The following NDC1 variants were observed in gnomAD, a reference collection of about 807,000 sequenced individuals.
NDC1 encodes NDC1 transmembrane nucleoporin.
In NDC1, 24 loss-of-function variants were observed where a neutral mutation model predicts 89.8. The ratio of observed to expected loss-of-function variants is 0.27; its 90% CI spans 0.19 to 0.38. The LOEUF (loss-of-function observed/expected upper bound fraction) is 0.38. Among genes scored for constraint, NDC1 ranks in the 10% least tolerant of loss-of-function variants. NDC1 has a pLI of 1.00. For missense variants in NDC1, 728 were observed against 797.6 expected (o/e 0.91, Z 1.05); for synonymous variants, 296 against 284.8 (o/e 1.04, Z -0.39).
intron 16 of NDC1, among the ~76,000 whole-genome samples, chr1:53,783,742 T>C (rs1164008970): frequency 6.6e-6 from 1 of 152,198 alleles, no homozygotes; most frequent in Non-Finnish European, 1.5e-5. Context: ...TTGCTCTCTC[T>C]TGTTCAGGTG....
chr1:53,783,499 G>A (rs751854749), intron 16 of NDC1, among the ~76,000 whole-genome samples: 2 of 151,950 alleles, frequency 1.3e-5, no homozygotes, highest in Non-Finnish European at 2.9e-5. Flanking sequence ...TCTTTGCCTC[G>A]TTCTACTCTG....
chr1:53,821,598 G>A (rs568611730), intron 5 of NDC1, among the ~76,000 whole-genome samples: 1 of 152,238 alleles, frequency 6.6e-6, no homozygotes, highest in South Asian at 2.1e-4. Flanking sequence ...CCACACACCT[G>A]CCCCAATAAA....
At chr1:53,770,366 G>A (rs891914255) in intron 17 of NDC1, among the ~76,000 whole-genome samples, 9 of 151,996 alleles carry the variant, frequency 5.9e-5, no homozygotes, top group African/African-American at 2.2e-4. Flanking sequence ...GAGTGCAGTG[G>A]TGCAGTATCG....
intron 13 of NDC1, among the ~76,000 whole-genome samples, chr1:53,795,672 A>T (rs1236606169): frequency 6.6e-6 from 1 of 152,098 alleles, no homozygotes; most frequent in Non-Finnish European, 1.5e-5. Flanking sequence ...CCTTGACCAC[A>T]TCTTACAGCC....
chr1:53,789,014 A>G, intron 15 of NDC1, 119 bp downstream of exon 15: 1 of 673,536 alleles, frequency 1.5e-6, no homozygotes, highest in South Asian at 2.0e-5. Flanking sequence ...CAAAGATATA[A>G]AAACGAATCT....
Position 53,800,674 on chromosome 1 carries a change from TA to T in NDC1, c.1222+18del. On this transcript the variant is annotated intron_variant, in intron 11 of 17. Transcript: ENST00000371429. ...ATAAAATGTAAATGTTTTCCCCTCT[TA>T]GTAGTCCTAGGGATTACCTGGAGAA... 1 of 1,611,124 alleles carries T rather than the reference TA, an allele frequency of 6.2e-7. No individual in the cohort carries two copies. The highest frequency in any genetic ancestry group is 1.1e-5 in the South Asian group (1 of 91,022).
At chr1:53,777,882 T>C (rs1400059382) in intron 16 of NDC1, among the ~76,000 whole-genome samples, 6 of 151,964 alleles carry the variant, frequency 3.9e-5, no homozygotes, top group African/African-American at 1.2e-4. Flanking sequence ...CACCTAAATT[T>C]TGTTGTTGCT....
At position 53,787,199 on chromosome 1, in the gene NDC1, T is replaced by A. The variant is rs1487242245; in HGVS notation, c.1759A>T (p.Thr587Ser). 5 of 1,610,854 alleles carry A rather than the reference T, an allele frequency of 3.1e-6. No individual in the cohort carries two copies. Among genetic ancestry groups the A allele is most frequent in the Non-Finnish European group, 4.2e-6 (5 of 1,178,918 alleles). ...AAAGTATTAAGGATAGCTGGTAGTG[T>A]CGTCTGGACAACTCCAAATCTATCC... ...TEDRFGVVQT[T>S]LPAILNTLLT... The change falls in exon 16 of 18, where the codon ACA becomes TCA. Residue 587 changes from threonine (T) to serine (S), a missense_variant. Physicochemically the swap from Thr to Ser is moderately conservative, Grantham distance 58. Transcript: ENST00000371429.
intron 17 of NDC1, among the ~76,000 whole-genome samples, chr1:53,770,088 T>A (rs1647099176): frequency 6.6e-6 from 1 of 152,158 alleles, no homozygotes; most frequent in Admixed American, 6.5e-5. Flanking sequence ...TTTGTACAAA[T>A]AGCCTCCACT....
rs978169950 is a variant in NDC1 at position 53,766,281 on chromosome 1, A to C, written c.*1689T>G. On this transcript the variant is annotated 3_prime_UTR_variant, in exon 18 of 18. Coordinates refer to ENST00000371429, the MANE Select transcript of NDC1 (RefSeq NM_018087.5). ...GAATATCACAGTTCTTCTTTAATGG[A>C]AGCAGAAGATTCAGAGTCCTTGTCT... 1.3e-5 allele frequency: 2 copies of C among 152,200 alleles called. No homozygotes were observed. The highest frequency in any genetic ancestry group is 4.8e-5 in the African/African-American group (2 of 41,446). The allele number at this position is 152,200 out of a possible 1,614,324, so 9.4% of individuals were successfully genotyped here.
intron 2 of NDC1, among the ~76,000 whole-genome samples, chr1:53,834,266 G>C (rs1267658942): frequency 6.6e-6 from 1 of 152,222 alleles, no homozygotes; most frequent in Non-Finnish European, 1.5e-5. Context: ...AATTGGTAAT[G>C]GCTCTCAAAT....
Position 53,796,675 on chromosome 1 carries a change from C to T in NDC1, c.1584+14G>A. 6.6e-7 allele frequency: 1 copy of T among 1,509,184 alleles called. No individual in the cohort carries two copies. The highest frequency in any genetic ancestry group is 1.4e-5 in the African/African-American group (1 of 71,658). The allele number at this position is 1,509,184 out of a possible 1,614,324, so 93.5% of individuals were successfully genotyped here. On this transcript the variant is annotated intron_variant, in intron 13 of 17. Transcript: ENST00000371429. ...TTACATGCAAATATAAATCCTATAA[C>T]CATATCATCCTACCTGTTCACGTTT...
At chr1:53,835,731 T>C (rs1649209308) in intron 1 of NDC1, 111 bp from the exon 2 acceptor site, 3 of 887,518 alleles carry the variant, frequency 3.4e-6, no homozygotes, top group Non-Finnish European at 5.2e-6. Context: ...TCATAATCCG[T>C]AACTCAAACA....
intron 17 of NDC1, among the ~76,000 whole-genome samples, chr1:53,769,361 A>G (rs1647092968): frequency 6.6e-6 from 1 of 152,230 alleles, no homozygotes; most frequent in African/African-American, 2.4e-5. Context: ...GGCTAACAAA[A>G]TTGTAATGTA....
In NDC1 at chr1:53,791,946, C is replaced by CT. The variant is rs776207954; in HGVS notation, c.1635+1282dup. 5.8e-3 allele frequency among the ~76,000 whole-genome samples: 835 copies of CT among 143,908 alleles called. 4 individuals carry two copies. Among genetic ancestry groups the CT allele is most frequent in the African/African-American group, 0.017 (659 of 39,636 alleles). 94.4% of individuals were successfully genotyped at this position (143,908 alleles called of 152,430 possible). A position where few individuals can be genotyped will look rare whatever the true frequency, so the allele number is the denominator to read the frequency against. On this transcript the variant is annotated intron_variant, in intron 14 of 17. Coordinates refer to ENST00000371429, the MANE Select transcript of NDC1 (RefSeq NM_018087.5). ...CATAGTGAGTTATTTTCCCCTTCTT[C>CT]TTTTTTTTTTTTTTGAGACGGCGTC...
chr1:53,775,368 T>C (rs987064802), intron 16 of NDC1, among the ~76,000 whole-genome samples: 2 of 152,020 alleles, frequency 1.3e-5, no homozygotes, highest in Non-Finnish European at 2.9e-5. Context: ...GCGATTCTCC[T>C]GCCTCAACCT....
rs546306087 is a variant in NDC1, at chr1:53,835,561, G to A, written c.117C>T (p.Cys39=). The part of the protein sequence containing the change: ...IVWSVLFLPI[C]TTVFIIFSRI... ...TGCTGAAAATTATAAATACTGTGGTGCAGATGGGTAGAAATAGCACTGACC... is the reference window on the plus strand; with the variant it reads ...TGCTGAAAATTATAAATACTGTGGTACAGATGGGTAGAAATAGCACTGACC... Residue 39 remains cysteine, a synonymous_variant, in exon 2 of 18, where the codon TGC becomes TGT. Transcript: ENST00000371429. 1.2e-6 allele frequency: 2 copies of A among 1,612,330 alleles called. No homozygotes were observed. The highest frequency in any genetic ancestry group is 2.7e-5 in the African/African-American group (2 of 74,984).
chr1:53,771,073 AG>A (rs1281838700), intron 17 of NDC1: 2 of 163,338 alleles, frequency 1.2e-5, no homozygotes, highest in Non-Finnish European at 2.7e-5. Flanking sequence ...TAAAGCTGGC[AG>A]GAACTTCAAA....
At chr1:53,785,803 T>C (rs1647288955) in intron 16 of NDC1, among the ~76,000 whole-genome samples, 1 of 152,186 alleles carries the variant, frequency 6.6e-6, no homozygotes, top group Admixed American at 6.5e-5. Context: ...CTTCATATCT[T>C]AAATGGTTTC....
Sources: allele counts gnomAD v4.1 joint callset (sites outside exome capture counted in the v4.1 genomes callset), GRCh38; gene constraint gnomAD v4.1.1; transcripts MANE v1.5; gene names NCBI Gene and HGNC (gene_info 2026-07-23, HGNC 2026-07-21).